The following TMEM185B variants were observed in gnomAD, a reference collection of about 807,000 sequenced individuals.
TMEM185B encodes the protein transmembrane protein 185B, also known as ee3_2.
In TMEM185B, 9 loss-of-function variants were observed where a neutral mutation model predicts 26.2. The ratio of observed to expected loss-of-function variants is 0.34; its 90% confidence interval spans 0.21 to 0.60. TMEM185B has a LOEUF of 0.60. Among genes scored for constraint, TMEM185B ranks in the 20% least tolerant of loss-of-function variants. The pLI, the probability that TMEM185B is intolerant of heterozygous loss-of-function variation, is 0.80. For synonymous variants in TMEM185B, 204 were observed against 191.8 expected (o/e 1.06, Z -0.52); for missense variants, 392 against 447.9 (o/e 0.88, Z 1.13).
Position 120,222,843 on chromosome 2 carries a change from G to A in TMEM185B, c.134C>T (p.Ala45Val), listed in dbSNP as rs1456700356. Residue 45 changes from alanine (A) to valine (V), a missense_variant, in exon 1 of 1, where the codon GCC becomes GTC. Coordinates refer to ENST00000426077, the MANE Select transcript of TMEM185B (RefSeq NM_024121.3). Reference protein sequence around the residue: ...IIQWSYWAVFAPIWLWKLLVV... With the variant: ...IIQWSYWAVFVPIWLWKLLVV... ...TAGAAGCTTCCACAGCCATATGGGGGCAAAGACGGCCCAGTAGCTCCATTG... is the reference window on the plus strand; with the variant it reads ...TAGAAGCTTCCACAGCCATATGGGGACAAAGACGGCCCAGTAGCTCCATTG... 1.3e-6 allele frequency: 2 copies of A among 1,503,204 alleles called. No individual in the cohort carries two copies. Among genetic ancestry groups the A allele is most frequent in the Non-Finnish European group, 8.8e-7 (1 of 1,132,618 alleles). The allele number at this position is 1,503,204 out of a possible 1,614,324, so 93.1% of individuals were successfully genotyped here.
rs1479853289 is a variant in TMEM185B, at chr2:120,220,766, C to G, written c.*1158G>C. ...AAAACAAAACAAACAAACAAAAAAACAAAAGAAAAGAAAAAAGAAACACTG... is the reference window on the plus strand; with the variant it reads ...AAAACAAAACAAACAAACAAAAAAAGAAAAGAAAAGAAAAAAGAAACACTG... On this transcript the variant is annotated 3_prime_UTR_variant, in exon 1 of 1. Transcript: ENST00000426077. 1.3e-5 allele frequency among the ~76,000 whole-genome samples: 2 copies of G among 152,026 alleles called. No homozygotes were observed. The highest frequency in any genetic ancestry group is 4.8e-5 in the African/African-American group (2 of 41,396).
At position 120,223,210 on chromosome 2, in the gene TMEM185B, A is replaced by G. The variant is rs1688626090; in HGVS notation, c.-234T>C. ...GCGCTGGGGTGTGGCGCGCGCGGGC[A>G]CGGGCGGCGCGGCGGTTACAAACTG... On this transcript the variant is annotated 5_prime_UTR_variant, in exon 1 of 1. Transcript: ENST00000426077. The G allele has an allele frequency of 3.1e-6, 1 of 324,888 alleles. No homozygotes were observed. The highest frequency in any genetic ancestry group is 2.1e-5 in the African/African-American group (1 of 46,524). The allele number at this position is 324,888 out of a possible 1,614,324, so 20.1% of individuals were successfully genotyped here. A position where few individuals can be genotyped will look rare whatever the true frequency, so the allele number is the denominator to read the frequency against.
At position 120,219,814 on chromosome 2, in the gene TMEM185B, A is replaced by G. The variant is rs959259838; in HGVS notation, c.*2110T>C. ...CTTTCCCTTTGTGGGTGCAGCTCAC[A>G]CTTCTCACCGTACAGGACACTTTGC... On this transcript the variant is annotated 3_prime_UTR_variant, in exon 1 of 1. Transcript: ENST00000426077. 6.6e-6 allele frequency among the ~76,000 whole-genome samples: 1 copy of G among 152,194 alleles called. No individual in the cohort carries two copies. The highest frequency in any genetic ancestry group is 1.5e-5 in the Non-Finnish European group (1 of 68,022).
In TMEM185B at chr2:120,222,635, C is replaced by T; in HGVS notation, c.342G>A (p.Leu114=). 2.0e-6 allele frequency: 3 copies of T among 1,536,454 alleles called. No individual in the cohort carries two copies. Among genetic ancestry groups the T allele is most frequent in the Non-Finnish European group, 2.6e-6 (3 of 1,147,006 alleles). ...ACACGAAGAAGAGAGGCATGAAGAC[C>T]AGCAGCCAGAAGTGGGTGCCCCTCT... The part of the protein sequence containing the change: ...RVERGTHFWL[L]VFMPLFFVSP... Residue 114 remains leucine (L), a synonymous_variant, in exon 1 of 1, where the codon CTG becomes CTA. Coordinates refer to ENST00000426077, the MANE Select transcript of TMEM185B (RefSeq NM_024121.3).
chr2:120,223,234 T>G lies in TMEM185B; in HGVS notation c.-258A>C. On this transcript the variant is annotated 5_prime_UTR_variant, in exon 1 of 1. Coordinates refer to ENST00000426077, the MANE Select transcript of TMEM185B (RefSeq NM_024121.3). The stretch of plus-strand genomic sequence containing the variant: ...CACGGGCGGCGCGGCGGTTACAAAC[T>G]GGGCGCTGCCTCGGTCCCGCCGCCG... The G allele has an allele frequency of 3.5e-6, 1 of 288,202 alleles. No homozygotes were observed. The highest frequency in any genetic ancestry group is 6.4e-6 in the Non-Finnish European group (1 of 155,598). 17.9% of individuals were successfully genotyped at this position (288,202 alleles called of 1,614,324 possible). A position where few individuals can be genotyped will look rare whatever the true frequency, so the allele number is the denominator to read the frequency against.
rs1688524559 is a variant in TMEM185B, at chr2:120,217,662, G to T, written c.*4262C>A. 6.6e-6 allele frequency among the ~76,000 whole-genome samples: 1 copy of T among 152,346 alleles called. No homozygotes were observed. ...AGAAGGCTGCTGCATCCTCATAGCTGCTTCCGCCTTCGGTCTGTTGCAGTA... is the reference window on the plus strand; with the variant it reads ...AGAAGGCTGCTGCATCCTCATAGCTTCTTCCGCCTTCGGTCTGTTGCAGTA... On this transcript the variant is annotated 3_prime_UTR_variant, in exon 1 of 1. Transcript: ENST00000426077.
rs2104548487 is a variant in TMEM185B at position 120,217,526 on chromosome 2, T to C, written c.*4398A>G. 6.6e-6 allele frequency among the ~76,000 whole-genome samples: 1 copy of C among 152,332 alleles called. No individual in the cohort carries two copies. Among genetic ancestry groups the C allele is most frequent in the East Asian group, 1.9e-4 (1 of 5,188 alleles). ...ATCCATTTGAAGACTATACATCCAT[T>C]ACATGTTACCTTAAAAAAATTTTTA... On this transcript the variant is annotated 3_prime_UTR_variant, in exon 1 of 1. Coordinates refer to ENST00000426077, the MANE Select transcript of TMEM185B (RefSeq NM_024121.3).
Position 120,220,091 on chromosome 2 carries a change from G to A in TMEM185B, c.*1833C>T, listed in dbSNP as rs1688561174. On this transcript the variant is annotated 3_prime_UTR_variant, in exon 1 of 1. Coordinates refer to ENST00000426077, the MANE Select transcript of TMEM185B (RefSeq NM_024121.3). ...CAGCTGTAGCTCCCTCAGGCATTCTGGCACTCAGGTTCCTAGAGCTGGCTT... is the reference window on the plus strand; with the variant it reads ...CAGCTGTAGCTCCCTCAGGCATTCTAGCACTCAGGTTCCTAGAGCTGGCTT... Among the ~76,000 whole-genome samples the A allele has an allele frequency of 6.6e-6, 1 of 152,190 alleles. No homozygotes were observed. Among genetic ancestry groups the A allele is most frequent in the Non-Finnish European group, 1.5e-5 (1 of 68,032 alleles).
In TMEM185B at chr2:120,221,978, G is replaced by A; in HGVS notation, c.999C>T (p.Ser333=). 1 of 1,536,908 alleles carries A rather than the reference G, an allele frequency of 6.5e-7. No individual in the cohort carries two copies. The highest frequency in any genetic ancestry group is 8.7e-7 in the Non-Finnish European group (1 of 1,146,888). The change falls in exon 1 of 1, where the codon AGC becomes AGT. Residue 333 remains serine (S), a synonymous_variant. Transcript: ENST00000426077. ...GAGGGGGGGGAACGTATTTCCCAGGGCTCTGGGTTATAACTACTCTGGCCT... is the reference window on the plus strand; with the variant it reads ...GAGGGGGGGGAACGTATTTCCCAGGACTCTGGGTTATAACTACTCTGGCCT... ...GKKARVVITQ[S]PGKYVPPPPK...
rs1287088919 is a variant in TMEM185B, at chr2:120,218,231, T to C, written c.*3693A>G. Among the ~76,000 whole-genome samples, 1 of 152,236 alleles carries C rather than the reference T, an allele frequency of 6.6e-6. No homozygotes were observed. The highest frequency in any genetic ancestry group is 1.5e-5 in the Non-Finnish European group (1 of 68,038). On this transcript the variant is annotated 3_prime_UTR_variant, in exon 1 of 1. Coordinates refer to ENST00000426077, the MANE Select transcript of TMEM185B (RefSeq NM_024121.3). Reference sequence around the variant, plus strand: ...GTTTGCCCAATCATATCCTCCCTCCTGGTACTTAACCTTAAGCTCATGGCA... The same window carrying C: ...GTTTGCCCAATCATATCCTCCCTCCCGGTACTTAACCTTAAGCTCATGGCA...
chr2:120,221,894 T>G lies in TMEM185B; in HGVS notation c.*30A>C. 1 of 1,464,344 alleles carries G rather than the reference T, an allele frequency of 6.8e-7. No homozygotes were observed. Among genetic ancestry groups the G allele is most frequent in the South Asian group, 1.4e-5 (1 of 73,606 alleles). The allele number at this position is 1,464,344 out of a possible 1,614,324, so 90.7% of individuals were successfully genotyped here. On this transcript the variant is annotated 3_prime_UTR_variant, in exon 1 of 1. Coordinates refer to ENST00000426077, the MANE Select transcript of TMEM185B (RefSeq NM_024121.3). ...AACAAGAGGCGAAGGCCAAGTGGAG[T>G]CTGTGTGTGCCTGGGTCCTCTCTAG...
At position 120,223,015 on chromosome 2, in the gene TMEM185B, C is replaced by G; in HGVS notation, c.-39G>C. The G allele has an allele frequency of 7.5e-7, 1 of 1,338,468 alleles. No individual in the cohort carries two copies. Among genetic ancestry groups the G allele is most frequent in the Non-Finnish European group, 9.6e-7 (1 of 1,044,284 alleles). 82.9% of individuals were successfully genotyped at this position (1,338,468 alleles called of 1,614,324 possible). ...GCTTGCCTGCCCGGGCCTGCTCCCT[C>G]GCGACGCTCGGCGCTCGCGTCTCCG... On this transcript the variant is annotated 5_prime_UTR_variant, in exon 1 of 1. Transcript: ENST00000426077.
chr2:120,222,762 C>T lies in TMEM185B; in HGVS notation c.215G>A (p.Arg72His). The stretch of plus-strand genomic sequence containing the variant: ...CTCCACACAGGCCTCTCCCTCGGTG[C>T]GGTAGCGAGGGTTGCGGGCCCAAAC... ...AGVWARNPRY[R>H]TEGEACVEFK... Residue 72 changes from arginine to histidine, a missense_variant, in exon 1 of 1, where the codon CGC becomes CAC. By Grantham distance (29) the Arg-to-His change is conservative. Coordinates refer to ENST00000426077, the MANE Select transcript of TMEM185B (RefSeq NM_024121.3). 1.3e-6 allele frequency: 2 copies of T among 1,536,282 alleles called. No individual in the cohort carries two copies. The highest frequency in any genetic ancestry group is 2.4e-5 in the South Asian group (2 of 84,080).
Position 120,222,531 on chromosome 2 carries a change from T to C in TMEM185B, c.446A>G (p.Asn149Ser), listed in dbSNP as rs753054669. ...GGCGATGAAGATGAACTGCAGGATG[T>C]TGACCGAGCACAGGATCTCCAGCTC... is the stretch of plus-strand genomic sequence containing the variant. ...SLELEILCSV[N>S]ILQFIFIALK... Residue 149 changes from asparagine (N) to serine (S), a missense_variant, in exon 1 of 1, where the codon AAC becomes AGC. Transcript: ENST00000426077. 13 of 1,536,172 alleles carry C rather than the reference T, an allele frequency of 8.5e-6. No homozygotes were observed. In the South Asian group the frequency reaches 1.3e-4, roughly 15 times the overall value.
rs977720671 is a variant in TMEM185B, at chr2:120,219,589, A to C, written c.*2335T>G. ...GCCAGTGGTCCCACTGCAGCCTCCA[A>C]ACCTGCCTCCCAGTTCCTCCAGCAC... On this transcript the variant is annotated 3_prime_UTR_variant, in exon 1 of 1. Transcript: ENST00000426077. Among the ~76,000 whole-genome samples, 8 of 152,166 alleles carry C rather than the reference A, an allele frequency of 5.3e-5. No homozygotes were observed. Among genetic ancestry groups the C allele is most frequent in the African/African-American group, 1.9e-4 (8 of 41,430 alleles).
Position 120,220,404 on chromosome 2 carries a change from C to T in TMEM185B, c.*1520G>A, listed in dbSNP as rs1056166908. ...TACTCTTGCAGGATCCAGCTTCTGC[C>T]CTGATTCCCTGGTGTACCACCAGCA... On this transcript the variant is annotated 3_prime_UTR_variant, in exon 1 of 1. Transcript: ENST00000426077. Among the ~76,000 whole-genome samples, 1 of 152,214 alleles carries T rather than the reference C, an allele frequency of 6.6e-6. No individual in the cohort carries two copies. The highest frequency in any genetic ancestry group is 2.4e-5 in the African/African-American group (1 of 41,444).
Position 120,220,107 on chromosome 2 carries a change from G to A in TMEM185B, c.*1817C>T, listed in dbSNP as rs1688561338. On this transcript the variant is annotated 3_prime_UTR_variant, in exon 1 of 1. Coordinates refer to ENST00000426077, the MANE Select transcript of TMEM185B (RefSeq NM_024121.3). ...AGGCATTCTGGCACTCAGGTTCCTA[G>A]AGCTGGCTTTTGTTGACAGCATGTG... Among the ~76,000 whole-genome samples the A allele has an allele frequency of 6.6e-6, 1 of 152,194 alleles. No individual in the cohort carries two copies. Among genetic ancestry groups the A allele is most frequent in the South Asian group, 2.1e-4 (1 of 4,832 alleles).
Position 120,222,744 on chromosome 2 carries a change from C to G in TMEM185B, c.233G>C (p.Cys78Ser), listed in dbSNP as rs772321018. The G allele has an allele frequency of 2.6e-6, 4 of 1,536,454 alleles. No individual in the cohort carries two copies. The South Asian group carries it at 3.6e-5, about 14-fold the overall frequency. The change falls in exon 1 of 1, where the codon TGT (cysteine) becomes TCT (serine). Residue 78 changes from cysteine (C) to serine (S), a missense_variant. Physicochemically the swap from Cys to Ser is moderately radical, Grantham distance 112 (BLOSUM62 -1). Around this residue, in one of 3 missense-constraint regions of TMEM185B, gnomAD observed 175 missense variants for 169.1 expected, o/e 1.03. Coordinates refer to ENST00000426077, the MANE Select transcript of TMEM185B (RefSeq NM_024121.3). ...NPRYRTEGEACVEFKAMLIAV... is the reference protein window; with the variant it reads ...NPRYRTEGEASVEFKAMLIAV... ...GATCAGCATGGCTTTGAACTCCACA[C>G]AGGCCTCTCCCTCGGTGCGGTAGCG...
Position 120,218,412 on chromosome 2 carries a change from TC to T in TMEM185B, c.*3511del, listed in dbSNP as rs913867206. Among the ~76,000 whole-genome samples the T allele has an allele frequency of 6.6e-6, 1 of 152,190 alleles. No individual in the cohort carries two copies. Among genetic ancestry groups the T allele is most frequent in the Non-Finnish European group, 1.5e-5 (1 of 68,026 alleles). On this transcript the variant is annotated 3_prime_UTR_variant, in exon 1 of 1. Coordinates refer to ENST00000426077, the MANE Select transcript of TMEM185B (RefSeq NM_024121.3). Reference sequence around the variant, plus strand: ...TGCCTGGGTTTCCAGCCACACAACTTCCCGGATCCCTGTGAACTTGCTGGGC... The same window carrying T: ...TGCCTGGGTTTCCAGCCACACAACTTCCGGATCCCTGTGAACTTGCTGGGC...
Sources: gnomAD v4.1 joint callset for allele counts (sites outside exome capture counted in the v4.1 genomes callset) on GRCh38, gnomAD v4.1.1 for gene constraint, gnomAD v4.1.1 regional missense constraint, MANE v1.5 for transcripts, NCBI Gene and HGNC (gene_info 2026-07-23, HGNC 2026-07-21) for gene names.